The following CLSTN2 variants were observed in gnomAD, a reference collection of about 807,000 sequenced individuals.
CLSTN2 encodes the protein calsyntenin-2.
A neutral mutation model predicts 101.2 loss-of-function variants in CLSTN2; 48 were observed. That is an observed-to-expected ratio of 0.47 (90% confidence interval 0.38 to 0.60). The LOEUF (loss-of-function observed/expected upper bound fraction) is 0.60. Among genes scored for constraint, CLSTN2 ranks in the 20% least tolerant of loss-of-function variants. CLSTN2 has a pLI of 0.00. For missense variants in CLSTN2, 1,160 were observed against 1,238.2 expected, an observed-to-expected ratio of 0.94 and a Z score of 0.95; for synonymous variants, 481 against 463.6, an observed-to-expected ratio of 1.04 and a Z score of -0.48.
At chr3:140,296,712 G>C (rs551984659) in intron 2 of CLSTN2, among the ~76,000 whole-genome samples, 2 of 152,294 alleles carry the variant, frequency 1.3e-5, no homozygotes, top group African/African-American at 4.8e-5. Flanking sequence ...AGGTTTTTAA[G>C]GTTTCTGGCT....
chr3:140,106,449 C>A (rs1372614797), intron 1 of CLSTN2, among the ~76,000 whole-genome samples: 1 of 152,194 alleles, frequency 6.6e-6, no homozygotes, highest in African/African-American at 2.4e-5. Flanking sequence ...CAGAGTGAGG[C>A]CTCCCTGACA....
chr3:140,154,554 G>A (rs890668621), intron 1 of CLSTN2, among the ~76,000 whole-genome samples: 4 of 151,830 alleles, frequency 2.6e-5, no homozygotes, highest in Middle Eastern at 3.2e-3. Flanking sequence ...GGAGGCCTCC[G>A]GAAACTTACC....
intron 2 of CLSTN2, among the ~76,000 whole-genome samples, chr3:140,226,485 C>T (rs78172544): frequency 0.016 from 2,431 of 152,018 alleles, 70 homozygotes; most frequent in African/African-American, 0.056. Flanking sequence ...TAAGGTGGAT[C>T]GACAGCTAGA....
intron 2 of CLSTN2, among the ~76,000 whole-genome samples, chr3:140,255,662 T>C (rs2086598282): frequency 6.6e-6 from 1 of 152,136 alleles, no homozygotes; most frequent in South Asian, 2.1e-4. Context: ...ATTAGGCTAT[T>C]ATCTGTGTAA....
chr3:140,405,310 C>G (rs545226793), intron 4 of CLSTN2, among the ~76,000 whole-genome samples: 2 of 152,186 alleles, frequency 1.3e-5, no homozygotes. Flanking sequence ...TCACTGCAAC[C>G]TCCACGTCCT....
intron 2 of CLSTN2, among the ~76,000 whole-genome samples, chr3:140,320,899 C>G (rs996980640): frequency 6.6e-6 from 1 of 152,206 alleles, no homozygotes; most frequent in African/African-American, 2.4e-5. Flanking sequence ...GAGTTTGTTA[C>G]GTTGGCTTGT....
intron 9 of CLSTN2, among the ~76,000 whole-genome samples, chr3:140,544,255 C>T (rs1050868207): frequency 1.3e-5 from 2 of 152,236 alleles, no homozygotes; most frequent in African/African-American, 4.8e-5. Flanking sequence ...AACACTTGCT[C>T]AGTATTATCT....
At chr3:140,510,778 T>C (rs1474509099) in intron 8 of CLSTN2, among the ~76,000 whole-genome samples, 2 of 152,232 alleles carry the variant, frequency 1.3e-5, no homozygotes, top group Non-Finnish European at 2.9e-5. Flanking sequence ...CTTGAATAGA[T>C]TTGCAAATGA....
intron 1 of CLSTN2, among the ~76,000 whole-genome samples, chr3:140,017,760 A>G (rs1330550722): frequency 6.6e-6 from 1 of 152,210 alleles, no homozygotes; most frequent in Non-Finnish European, 1.5e-5. Flanking sequence ...GATTGTCTTC[A>G]TTTTAGAGCC....
rs2107794020 is a variant in CLSTN2, at chr3:140,562,121, T to C, written c.2042-17T>C. The C allele has an allele frequency of 6.2e-7, 1 of 1,611,576 alleles. No homozygotes were observed. The highest frequency in any genetic ancestry group is 1.1e-5 in the South Asian group (1 of 90,832). On this transcript the variant is annotated splice_polypyrimidine_tract_variant and intron_variant, in intron 12 of 16. Coordinates refer to ENST00000458420, the MANE Select transcript of CLSTN2 (RefSeq NM_022131.3). ...CTGTCCTTCATGCCTGCATTTCCCATGTCTGTCTTCCTACAGACCCCAAAT... is the reference window on the plus strand; with the variant it reads ...CTGTCCTTCATGCCTGCATTTCCCACGTCTGTCTTCCTACAGACCCCAAAT...
At chr3:140,299,992 A>G (rs2087043034) in intron 2 of CLSTN2, among the ~76,000 whole-genome samples, 1 of 152,172 alleles carries the variant, frequency 6.6e-6, no homozygotes, top group Non-Finnish European at 1.5e-5. Flanking sequence ...CTTTTGATGA[A>G]AAGAATAACT....
intron 8 of CLSTN2, among the ~76,000 whole-genome samples, chr3:140,478,700 T>C (rs1934042636): frequency 6.6e-6 from 1 of 151,716 alleles, no homozygotes; most frequent in Admixed American, 6.6e-5. Flanking sequence ...CACTGAATTA[T>C]ACACTTACAA....
chr3:140,373,277 T>C (rs2087878990), intron 2 of CLSTN2, among the ~76,000 whole-genome samples: 1 of 152,188 alleles, frequency 6.6e-6, no homozygotes, highest in African/African-American at 2.4e-5. Context: ...GATCATCACA[T>C]GAAAACCCTG....
chr3:140,336,828 T>G (rs927046862), intron 2 of CLSTN2, among the ~76,000 whole-genome samples: 13 of 152,226 alleles, frequency 8.5e-5, no homozygotes, highest in Non-Finnish European at 1.5e-5. Context: ...AAAGGCTTTT[T>G]GGCATTCACT....
rs1175976437 is a variant in CLSTN2, at chr3:140,556,597, T to C, written c.1759T>C (p.Tyr587His). 2.5e-6 allele frequency: 4 copies of C among 1,614,006 alleles called. No individual in the cohort carries two copies. The highest frequency in any genetic ancestry group is 3.4e-6 in the Non-Finnish European group (4 of 1,179,998). ...TAACCGTGCTCTCCAGAAAGTCTCC[T>C]ACATCAACTCCAGGCAGTTCCCAAC... ...NINRALQKVS[Y>H]INSRQFPTAG... The change falls in exon 11 of 17, where the codon TAC becomes CAC. Residue 587 changes from tyrosine to histidine, a missense_variant. Physicochemically the swap from Tyr to His is moderately conservative, Grantham distance 83 (BLOSUM62 2). Transcript: ENST00000458420.
At chr3:140,453,469 T>C (rs2108012241) in intron 6 of CLSTN2, among the ~76,000 whole-genome samples, 1 of 152,334 alleles carries the variant, frequency 6.6e-6, no homozygotes, top group East Asian at 1.9e-4. Flanking sequence ...CAAATATCTG[T>C]TGAGTACTCA....
chr3:140,562,410 A>G, intron 13 of CLSTN2, 102 bp downstream of exon 13: 1 of 1,159,464 alleles, frequency 8.6e-7, no homozygotes, highest in Non-Finnish European at 1.2e-6. Context: ...AGCACTGTGA[A>G]GCCCCAGGGA....
At chr3:140,180,526 A>C (rs973636715) in intron 2 of CLSTN2, among the ~76,000 whole-genome samples, 1 of 152,200 alleles carries the variant, frequency 6.6e-6, no homozygotes, top group Non-Finnish European at 1.5e-5. Flanking sequence ...GCTGCATGGC[A>C]AAAAATGATA....
At chr3:139,990,509 C>T (rs1193486816) in intron 1 of CLSTN2, among the ~76,000 whole-genome samples, 1 of 152,202 alleles carries the variant, frequency 6.6e-6, no homozygotes, top group Non-Finnish European at 1.5e-5. Context: ...GCATCCTTTG[C>T]TTAAAATGTA....
Sources: allele counts gnomAD v4.1 joint callset (sites outside exome capture counted in the v4.1 genomes callset), GRCh38; gene constraint gnomAD v4.1.1; transcripts MANE v1.5; gene names NCBI Gene and HGNC (gene_info 2026-07-23, HGNC 2026-07-21).